Variants in TNR observed in about 807,000 individuals in gnomAD.
TNR encodes tenascin R.
A neutral mutation model predicts 150.4 loss-of-function variants in TNR; 45 were observed. The observed-to-expected ratio is 0.30, with a 90% CI of 0.24 to 0.38. TNR has a LOEUF of 0.38. TNR is among the 10% of genes least tolerant of loss of function. The pLI is 1.00. For missense variants in TNR, 1,544 were observed against 1,759.1 expected (o/e 0.88, Z 2.19); for synonymous variants, 687 against 678.4 (o/e 1.01, Z -0.20).
Position 175,406,311 on chromosome 1 carries a change from T to TGCA in TNR, c.401_403dup (p.Leu134dup). ...CATCTCGATCCGGCTCAGCAGCTCC[T>TGCA]GCAGCACCTGGGCTGAACTGGCACA... On this transcript the variant is annotated inframe_insertion, in exon 3 of 23. Coordinates refer to ENST00000367674, the MANE Select transcript of TNR (RefSeq NM_003285.3). The TGCA allele has an allele frequency of 6.2e-7, 1 of 1,614,138 alleles. No individual in the cohort carries two copies. The highest frequency in any genetic ancestry group is 1.3e-5 in the African/African-American group (1 of 75,042).
At chr1:175,491,439 T>C (rs760963880) in intron 2 of TNR, among the ~76,000 whole-genome samples, 13 of 151,694 alleles carry the variant, frequency 8.6e-5, no homozygotes, top group Non-Finnish European at 1.6e-4. Context: ...ACAGAATCCT[T>C]TTAGCACATG....
At chr1:175,460,933 A>G (rs1254728233) in intron 2 of TNR, among the ~76,000 whole-genome samples, 1 of 152,238 alleles carries the variant, frequency 6.6e-6, no homozygotes, top group Non-Finnish European at 1.5e-5. Flanking sequence ...ATATGTGTGC[A>G]CATATGCATC....
At chr1:175,536,122 A>G (rs2629482) in intron 1 of TNR, among the ~76,000 whole-genome samples, 5,565 of 152,274 alleles carry the variant, frequency 0.037, 354 homozygotes, top group African/African-American at 0.13. Flanking sequence ...CTATACCACA[A>G]ATCTGTTTTT....
At chr1:175,592,250 G>A (rs116311132) in intron 1 of TNR, among the ~76,000 whole-genome samples, 5 of 152,236 alleles carry the variant, frequency 3.3e-5, no homozygotes, top group Admixed American at 1.3e-4. Context: ...TTGTTAACTC[G>A]GGTGGTTATT....
intron 4 of TNR, among the ~76,000 whole-genome samples, chr1:175,400,082 C>T (rs1653627215): frequency 1.3e-5 from 2 of 152,184 alleles, no homozygotes; most frequent in East Asian, 1.9e-4. Flanking sequence ...TTTTGGCCAG[C>T]TCCCTGGCCA....
chr1:175,472,964 T>A (rs1657366049), intron 2 of TNR, among the ~76,000 whole-genome samples: 1 of 152,156 alleles, frequency 6.6e-6, no homozygotes, highest in African/African-American at 2.4e-5. Context: ...GAAGTTAAGA[T>A]GGGGTCTAAG....
In TNR at chr1:175,365,269, G is replaced by A. The variant is rs773334897; in HGVS notation, c.2328C>T (p.Pro776=). ...CATGAGAAAAGTGCAGATGAGAGAT[G>A]GGACGGAAGCCTGCAAAGCAAAGGA... is the stretch of plus-strand genomic sequence containing the variant. ...STVDAFTGFR[P]ISHLHFSHVT... The change falls in exon 12 of 23, where the codon CCC becomes CCT. Residue 776 remains proline (P), a synonymous_variant. Transcript: ENST00000367674. 2 of 1,605,170 alleles carry A rather than the reference G, an allele frequency of 1.2e-6. No homozygotes were observed. The highest frequency in any genetic ancestry group is 4.5e-5 in the East Asian group (2 of 44,714).
intron 1 of TNR, among the ~76,000 whole-genome samples, chr1:175,719,042 C>T (rs892482390): frequency 1.3e-5 from 2 of 152,192 alleles, no homozygotes; most frequent in African/African-American, 2.4e-5. Flanking sequence ...GCCATCCAGG[C>T]CTATCTGTGG....
chr1:175,701,148 C>G (rs1391922325), intron 1 of TNR, among the ~76,000 whole-genome samples: 1 of 152,192 alleles, frequency 6.6e-6, no homozygotes, highest in African/African-American at 2.4e-5. Flanking sequence ...TTATTCCCCT[C>G]CTCAACACAA....
intron 1 of TNR, among the ~76,000 whole-genome samples, chr1:175,635,699 C>A (rs1664470890): frequency 6.6e-6 from 1 of 152,150 alleles, no homozygotes; most frequent in South Asian, 2.1e-4. Flanking sequence ...TATCTACACT[C>A]CTGTGTGATG....
At chr1:175,730,841 C>A (rs1415984723) in intron 1 of TNR, among the ~76,000 whole-genome samples, 4 of 152,072 alleles carry the variant, frequency 2.6e-5, no homozygotes, top group Non-Finnish European at 5.9e-5. Context: ...ACATTTGAGG[C>A]TACTGACCTG....
chr1:175,330,251 G>C lies in TNR; in HGVS notation c.3632-16C>G. On this transcript the variant is annotated splice_polypyrimidine_tract_variant and intron_variant, in intron 20 of 22. Transcript: ENST00000367674. ...TTGTCCAGCCCTGTGGAGAAGAGCA[G>C]AAAATGCACTGAGACTGGCCCCCAG... 3 of 1,518,522 alleles carry C rather than the reference G, an allele frequency of 2.0e-6. No homozygotes were observed. Among genetic ancestry groups the C allele is most frequent in the Non-Finnish European group, 2.7e-6 (3 of 1,120,152 alleles). 94.1% of individuals were successfully genotyped at this position (1,518,522 alleles called of 1,614,324 possible). A position where few individuals can be genotyped will look rare whatever the true frequency, so the allele number is the denominator to read the frequency against.
At chr1:175,600,491 C>T (rs1022510971) in intron 1 of TNR, among the ~76,000 whole-genome samples, 1 of 152,218 alleles carries the variant, frequency 6.6e-6, no homozygotes, top group African/African-American at 2.4e-5. Context: ...CTGTTTATGT[C>T]TATACATGAG....
At chr1:175,384,240 G>A (rs1046463845) in intron 8 of TNR, among the ~76,000 whole-genome samples, 3 of 152,210 alleles carry the variant, frequency 2.0e-5, no homozygotes, top group African/African-American at 7.2e-5. Flanking sequence ...CCACACCCCG[G>A]AGCAAGTGGT....
intron 22 of TNR, among the ~76,000 whole-genome samples, 199 bp from the exon 23 acceptor site, chr1:175,323,675 G>A (rs907249794): frequency 1.3e-5 from 2 of 152,190 alleles, no homozygotes; most frequent in Non-Finnish European, 2.9e-5. Flanking sequence ...ATGTGCCGGT[G>A]GCCTGGGTCT....
At chr1:175,438,335 G>A (rs147844666) in intron 2 of TNR, among the ~76,000 whole-genome samples, 2,736 of 152,068 alleles carry the variant, frequency 0.018, 87 homozygotes, top group African/African-American at 0.062. Flanking sequence ...ACAACCCTTC[G>A]TGCTAAAAAC....
chr1:175,436,161 T>C (rs539587317), intron 2 of TNR, among the ~76,000 whole-genome samples: 1,988 of 152,278 alleles, frequency 0.013, 55 homozygotes, highest in African/African-American at 0.045. Context: ...GTTCTCTGTA[T>C]TTCCTGAATC....
intron 1 of TNR, among the ~76,000 whole-genome samples, chr1:175,635,640 A>T (rs1169223869): frequency 6.6e-6 from 1 of 152,052 alleles, no homozygotes; most frequent in Non-Finnish European, 1.5e-5. Context: ...GATGGAATTG[A>T]CTCTATAGAG....
At chr1:175,621,170 A>C (rs1206284092) in intron 1 of TNR, among the ~76,000 whole-genome samples, 1 of 152,178 alleles carries the variant, frequency 6.6e-6, no homozygotes, top group Non-Finnish European at 1.5e-5. Context: ...GGCACTCAAC[A>C]TGTATTGTGA....
Sources: gnomAD v4.1 joint callset for allele counts (sites outside exome capture counted in the v4.1 genomes callset) on GRCh38, gnomAD v4.1.1 for gene constraint, MANE v1.5 for transcripts, NCBI Gene and HGNC (gene_info 2026-07-23, HGNC 2026-07-21) for gene names.